BTC: variants seen among roughly 807,000 people sequenced by gnomAD.
BTC encodes probetacellulin.
Under a neutral mutation model 18.1 loss-of-function variants are expected in BTC, and 13 were observed. The observed-to-expected ratio is 0.72, with a 90% confidence interval of 0.47 to 1.14. BTC has a LOEUF of 1.14. BTC is among the 50% of genes most tolerant of loss of function. The pLI, the probability that BTC is intolerant of heterozygous loss-of-function variation, is 0.00. For synonymous variants in BTC, 83 were observed against 79.4 expected, an observed-to-expected ratio of 1.05 and a Z score of -0.24; for missense variants, 247 against 224.2, an observed-to-expected ratio of 1.10 and a Z score of -0.65.
At chr4:74,767,746 A>G (rs991478741) in intron 2 of BTC, among the ~76,000 whole-genome samples, 1 of 152,112 alleles carries the variant, frequency 6.6e-6, no homozygotes, top group Admixed American at 6.6e-5. Flanking sequence ...GAATATATGA[A>G]CAACTGATCT....
intron 2 of BTC, among the ~76,000 whole-genome samples, chr4:74,756,843 T>C (rs567891543): frequency 6.6e-6 from 1 of 152,380 alleles, no homozygotes; most frequent in Admixed American, 6.5e-5. Flanking sequence ...ATTGATTGCC[T>C]AATTTTTCAC....
intron 1 of BTC, among the ~76,000 whole-genome samples, chr4:74,782,897 C>A (rs1484040896): frequency 6.6e-6 from 1 of 152,134 alleles, no homozygotes; most frequent in Non-Finnish European, 1.5e-5. Context: ...ACGTGTATGT[C>A]TTTCGAGAAG....
chr4:74,764,815 A>C (rs1282715581), intron 2 of BTC, among the ~76,000 whole-genome samples: 2 of 152,108 alleles, frequency 1.3e-5, no homozygotes, highest in African/African-American at 4.8e-5. Context: ...GCTGCTAATA[A>C]ATATATACCC....
intron 4 of BTC, among the ~76,000 whole-genome samples, chr4:74,749,578 G>A (rs928214950): frequency 1.8e-4 from 27 of 151,318 alleles, no homozygotes; most frequent in Admixed American, 2.6e-4. Context: ...AAGGAATCAC[G>A]AGAACCCTCT....
At chr4:74,777,623 G>C (rs1415301706) in intron 1 of BTC, among the ~76,000 whole-genome samples, 2 of 152,072 alleles carry the variant, frequency 1.3e-5, no homozygotes, top group Non-Finnish European at 2.9e-5. Flanking sequence ...ATTTTTGGAA[G>C]AAATTTGAAG....
chr4:74,757,060 C>G (rs1724620929), intron 2 of BTC, among the ~76,000 whole-genome samples: 1 of 152,192 alleles, frequency 6.6e-6, no homozygotes, highest in Admixed American at 6.5e-5. Flanking sequence ...CATGGTATAA[C>G]CAACAGCTTG....
intron 1 of BTC, among the ~76,000 whole-genome samples, chr4:74,788,270 G>A (rs959650221): frequency 6.6e-6 from 1 of 151,928 alleles, no homozygotes; most frequent in Admixed American, 6.6e-5. Context: ...TTGAGTCTTA[G>A]TGCTACACAA....
intron 1 of BTC, among the ~76,000 whole-genome samples, chr4:74,787,408 A>G (rs1039034144): frequency 6.6e-6 from 1 of 152,210 alleles, no homozygotes; most frequent in Admixed American, 6.5e-5. Context: ...CTCTCCCTCC[A>G]ACCATCTAAA....
In BTC at chr4:74,762,316, G is replaced by T. The variant is rs185935680; in HGVS notation, c.164-6340C>A. Among the ~76,000 whole-genome samples the T allele has an allele frequency of 1.3e-4, 20 of 152,254 alleles. No individual in the cohort carries two copies. In the East Asian group the frequency reaches 3.7e-3, roughly 28 times the overall value. ...GATGGTGTCTCTGAATTCATGTCAG[G>T]CTACTTTGTTTACTGTGTGATCTTG... On this transcript the variant is annotated intron_variant, in intron 2 of 5. Transcript: ENST00000395743.
intron 1 of BTC, among the ~76,000 whole-genome samples, chr4:74,788,989 G>A (rs1214544108): frequency 6.6e-6 from 1 of 152,198 alleles, no homozygotes; most frequent in Non-Finnish European, 1.5e-5. Flanking sequence ...GAGTGGATGT[G>A]AGTGTGTATG....
At chr4:74,789,950 A>G (rs1201655063) in intron 1 of BTC, among the ~76,000 whole-genome samples, 1 of 152,244 alleles carries the variant, frequency 6.6e-6, no homozygotes, top group Non-Finnish European at 1.5e-5. Flanking sequence ...TAGGATCAAA[A>G]TTGGCAGAGG....
Position 74,794,336 on chromosome 4 carries a change from C to T in BTC, c.-11G>A, listed in dbSNP as rs1725716320. The T allele has an allele frequency of 6.5e-7, 1 of 1,542,856 alleles. No individual in the cohort carries two copies. The highest frequency in any genetic ancestry group is 8.7e-7 in the Non-Finnish European group (1 of 1,144,336). ...GGCGGCCCGGTCCATCAACCCCGCTCTGCCGGGCCGGGCAGCCCCTAGACA... is the reference window on the plus strand; with the variant it reads ...GGCGGCCCGGTCCATCAACCCCGCTTTGCCGGGCCGGGCAGCCCCTAGACA... On this transcript the variant is annotated 5_prime_UTR_variant, in exon 1 of 6. Coordinates refer to ENST00000395743, the MANE Select transcript of BTC (RefSeq NM_001729.4).
intron 1 of BTC, among the ~76,000 whole-genome samples, chr4:74,783,318 G>A (rs1015163753): frequency 1.3e-5 from 2 of 152,108 alleles, no homozygotes; most frequent in African/African-American, 4.8e-5. Context: ...TTCTGCATAT[G>A]ACTAGCCAGT....
At chr4:74,758,366 C>T (rs979885436) in intron 2 of BTC, among the ~76,000 whole-genome samples, 1 of 151,960 alleles carries the variant, frequency 6.6e-6, no homozygotes, top group Non-Finnish European at 1.5e-5. Flanking sequence ...CATTTTGTCA[C>T]CATATTATAT....
intron 1 of BTC, among the ~76,000 whole-genome samples, chr4:74,785,482 C>T (rs1725454787): frequency 6.6e-6 from 1 of 152,052 alleles, no homozygotes; most frequent in Non-Finnish European, 1.5e-5. Context: ...TTTGTTTGCT[C>T]TTGGTTCTCT....
intron 3 of BTC, among the ~76,000 whole-genome samples, chr4:74,755,483 G>A (rs927760016): frequency 3.9e-5 from 6 of 152,106 alleles, no homozygotes; most frequent in African/African-American, 1.4e-4. Context: ...CTCTTAATTT[G>A]GCAGGAATTT....
chr4:74,781,383 A>ATG (rs1291467228), intron 1 of BTC, among the ~76,000 whole-genome samples: 1 of 113,018 alleles, frequency 8.8e-6, no homozygotes, highest in East Asian at 2.1e-4. Flanking sequence ...TTCTCTCGTC[A>ATG]CGTGTGTGTG....
At chr4:74,763,462 T>C (rs1553957532) in intron 2 of BTC, among the ~76,000 whole-genome samples, 2 of 152,130 alleles carry the variant, frequency 1.3e-5, no homozygotes, top group East Asian at 3.8e-4. Context: ...TTTTTTAAAG[T>C]CAAATACTCA....
chr4:74,784,375 G>T (rs1263712640), intron 1 of BTC, among the ~76,000 whole-genome samples: 1 of 152,098 alleles, frequency 6.6e-6, no homozygotes, highest in Non-Finnish European at 1.5e-5. Context: ...CCTGTCATCT[G>T]CAAACAAAGA....
Sources: gnomAD v4.1 joint callset for allele counts (sites outside exome capture counted in the v4.1 genomes callset) on GRCh38, gnomAD v4.1.1 for gene constraint, MANE v1.5 for transcripts, NCBI Gene and HGNC (gene_info 2026-07-23, HGNC 2026-07-21) for gene names.